PRSS3: variants seen among roughly 807,000 people sequenced by gnomAD.
PRSS3 encodes trypsin-3.
A neutral mutation model predicts 20.8 loss-of-function variants in PRSS3; 14 were observed. The observed-to-expected ratio is 0.67, with a 90% CI of 0.44 to 1.05. PRSS3 has a LOEUF of 1.05. Ranked by LOEUF, PRSS3 falls within the 50% of genes least tolerant of loss-of-function variation. The pLI, the probability that PRSS3 is intolerant of heterozygous loss-of-function variation, is 0.00. For synonymous variants in PRSS3, 91 were observed against 117.6 expected, an observed-to-expected ratio of 0.77 and a Z score of 1.46; for missense variants, 237 against 306.4, an observed-to-expected ratio of 0.77 and a Z score of 1.69.
At chr9:33,772,865 T>C (rs1455645633) in intron 1 of PRSS3, among the ~76,000 whole-genome samples, 2 of 152,232 alleles carry the variant, frequency 1.3e-5, no homozygotes, top group Non-Finnish European at 2.9e-5. Context: ...TAGAGAGTGC[T>C]GGTTGCCAAG....
rs532868373 is a variant in PRSS3 at position 33,765,141 on chromosome 9, A to G, written c.-53+14414A>G. On this transcript the variant is annotated intron_variant, in intron 1 of 5. Transcript: ENST00000342836. ...CTGACCAAGTATTCCACTCCTAGGTATACAGTCATCACCCTTTATCTGCAG... is the reference window on the plus strand; with the variant it reads ...CTGACCAAGTATTCCACTCCTAGGTGTACAGTCATCACCCTTTATCTGCAG... Among the ~76,000 whole-genome samples the G allele has an allele frequency of 8.7e-4, 132 of 152,340 alleles. 1 individual carries two copies. Among genetic ancestry groups the G allele is most frequent in the Non-Finnish European group, 1.0e-4 (7 of 68,034 alleles).
upstream of PRSS3, among the ~76,000 whole-genome samples, chr9:33,793,426 C>G (rs1039365779): frequency 4.6e-5 from 7 of 152,232 alleles, no homozygotes; most frequent in African/African-American, 1.7e-4. Flanking sequence ...GCTCCAAAAC[C>G]TGGATACCTC....
intron 1 of PRSS3, among the ~76,000 whole-genome samples, chr9:33,753,065 G>A (rs963778212): frequency 1.2e-4 from 18 of 152,346 alleles, no homozygotes; most frequent in South Asian, 2.1e-4. Flanking sequence ...GGTTAGCCAG[G>A]AATTAAATGG....
chr9:33,786,243 C>A, intron 1 of PRSS3: 1 of 545,796 alleles, frequency 1.8e-6, no homozygotes, highest in East Asian at 3.4e-5. Flanking sequence ...GCTCCTTCTC[C>A]GGGGATTAGG....
At chr9:33,755,310 G>A (rs1257264679) in intron 1 of PRSS3, among the ~76,000 whole-genome samples, 4 of 152,080 alleles carry the variant, frequency 2.6e-5, no homozygotes, top group African/African-American at 9.7e-5. Flanking sequence ...CTTAGAAGTC[G>A]TTCATTGTAG....
At chr9:33,757,881 G>C (rs1198919946) in intron 1 of PRSS3, among the ~76,000 whole-genome samples, 3 of 151,978 alleles carry the variant, frequency 2.0e-5, no homozygotes, top group African/African-American at 7.3e-5. Context: ...CAAATCTGAT[G>C]GTATGGAATA....
chr9:33,781,027 A>G (rs1329183517), intron 1 of PRSS3, among the ~76,000 whole-genome samples: 1 of 152,238 alleles, frequency 6.6e-6, no homozygotes, highest in Non-Finnish European at 1.5e-5. Flanking sequence ...GCACTTAACC[A>G]GTTGAAACTA....
chr9:33,774,970 G>A (rs909279416), intron 1 of PRSS3, among the ~76,000 whole-genome samples: 2 of 150,386 alleles, frequency 1.3e-5, no homozygotes, highest in African/African-American at 4.9e-5. Flanking sequence ...TGAGCAACAA[G>A]AGCGAAACTC....
At chr9:33,798,682 A>G in intron 4 of PRSS3, 60 bp downstream of exon 4, 4 of 1,611,540 alleles carry the variant, frequency 2.5e-6, no homozygotes, top group Non-Finnish European at 3.4e-6. Context: ...ACCGGGGAAA[A>G]AGATTTGAAC....
Position 33,783,015 on chromosome 9 carries a change from C to T in PRSS3, c.-52-11731C>T, listed in dbSNP as rs1274523797. ...GGCTAAACAAAGGGTAGTATATCCA[C>T]ATGGTGACATATTCCACTGCCACAA... On this transcript the variant is annotated intron_variant, in intron 1 of 5. Transcript: ENST00000342836. Among the ~76,000 whole-genome samples, 4 of 152,168 alleles carry T rather than the reference C, an allele frequency of 2.6e-5. No individual in the cohort carries two copies. In the East Asian group the frequency reaches 7.7e-4, roughly 29 times the overall value.
chr9:33,798,600 AG>A lies in PRSS3; in HGVS notation c.572del (p.Gly191GlufsTer?). ...TNSMFCVGFL[E>X]GGKDSCQRDS... ...AGCATGTTCTGTGTGGGCTTCCTTGAGGGAGGCAAGGATTCCTGCCAGGTGA... is the reference window on the plus strand; with the variant it reads ...AGCATGTTCTGTGTGGGCTTCCTTGAGGAGGCAAGGATTCCTGCCAGGTGA... On this transcript the variant is annotated frameshift_variant, in exon 4 of 5. Coordinates refer to ENST00000379405, the MANE Select transcript of PRSS3 (RefSeq NM_002771.4). LOFTEE classifies it high-confidence loss of function. 1.2e-6 allele frequency: 2 copies of A among 1,614,050 alleles called. No individual in the cohort carries two copies. The highest frequency in any genetic ancestry group is 1.7e-6 in the Non-Finnish European group (2 of 1,179,978).
chr9:33,771,629 G>GTTTTTTGGTTTTTT lies in PRSS3; in HGVS notation c.-53+20908_-53+20909insGGTTTTTTTTTTTT, dbSNP rs1823697584. Reference sequence around the variant, plus strand: ...GGCATGAGCCACTGCACTGGGTTTTGTTTTTTTGTTTTTTTGTTTTTTTTT... The same window carrying GTTTTTTGGTTTTTT: ...GGCATGAGCCACTGCACTGGGTTTTGTTTTTTGGTTTTTTTTTTTTTGTTTTTTTGTTTTTTTTT... On this transcript the variant is annotated intron_variant, in intron 1 of 5. Transcript: ENST00000342836. Among the ~76,000 whole-genome samples, 3 of 115,192 alleles carry GTTTTTTGGTTTTTT rather than the reference G, an allele frequency of 2.6e-5. 1 individual carries two copies. The highest frequency in any genetic ancestry group is 1.1e-4 in the African/African-American group (3 of 28,458). The allele number at this position is 115,192 out of a possible 152,430, so 75.6% of individuals were successfully genotyped here. A position where few individuals can be genotyped will look rare whatever the true frequency, so the allele number is the denominator to read the frequency against.
chr9:33,794,802 G>C, upstream of PRSS3: 3 of 1,550,902 alleles, frequency 1.9e-6, no homozygotes, highest in East Asian at 4.9e-5. Flanking sequence ...ATGCACATGA[G>C]AGAGACAAGT....
chr9:33,774,507 A>G (rs1823835333), intron 1 of PRSS3, among the ~76,000 whole-genome samples: 1 of 152,184 alleles, frequency 6.6e-6, no homozygotes, highest in Non-Finnish European at 1.5e-5. Flanking sequence ...TGCTTTTGAG[A>G]AAAATGAGGC....
chr9:33,782,810 T>C (rs1191072446), intron 1 of PRSS3, among the ~76,000 whole-genome samples: 1 of 152,214 alleles, frequency 6.6e-6, no homozygotes, highest in Non-Finnish European at 1.5e-5. Flanking sequence ...AATAGTTTCT[T>C]ATAAAACTAA....
chr9:33,763,589 C>A (rs918558025), intron 1 of PRSS3, among the ~76,000 whole-genome samples: 1 of 150,798 alleles, frequency 6.6e-6, no homozygotes, highest in Non-Finnish European at 1.5e-5. Context: ...ATCCCAGCTA[C>A]TTGGGAGGCT....
At chr9:33,796,358 A>G (rs1242852143) in intron 1 of PRSS3, among the ~76,000 whole-genome samples, 1 of 150,788 alleles carries the variant, frequency 6.6e-6, no homozygotes, top group Non-Finnish European at 1.5e-5. Flanking sequence ...CAACATACCA[A>G]CTGCTACCCC....
intron 1 of PRSS3, chr9:33,762,196 C>T (rs960272589): frequency 2.0e-5 from 3 of 152,142 alleles, no homozygotes; most frequent in Admixed American, 6.5e-5. Context: ...TAATTGTGTT[C>T]CATATCATGG....
chr9:33,793,179 T>C (rs1824716708), upstream of PRSS3, among the ~76,000 whole-genome samples: 1 of 131,782 alleles, frequency 7.6e-6, no homozygotes, highest in Non-Finnish European at 1.7e-5. Context: ...TCTTGGGTGT[T>C]CCTTTCAGAC....
Sources: allele counts gnomAD v4.1 joint callset (sites outside exome capture counted in the v4.1 genomes callset), GRCh38; gene constraint gnomAD v4.1.1; transcripts MANE v1.5; gene names NCBI Gene and HGNC (gene_info 2026-07-23, HGNC 2026-07-21).